SLC7A14: variants seen among roughly 807,000 people sequenced by gnomAD.
SLC7A14 encodes solute carrier family 7 member 14, also known as gamma-aminobutyric acid transporter SLC7A14.
Under a neutral mutation model 60.2 loss-of-function variants are expected in SLC7A14, and 37 were observed. The observed-to-expected ratio is 0.61, with a 90% CI of 0.47 to 0.81. The LOEUF (loss-of-function observed/expected upper bound fraction) is 0.81, where lower values mean the gene tolerates loss of function less well. Ranked by LOEUF, SLC7A14 falls within the 30% of genes least tolerant of loss-of-function variation. SLC7A14 has a pLI of 0.00. For synonymous variants in SLC7A14, 399 were observed against 395.8 expected (o/e 1.01, Z -0.10); for missense variants, 886 against 982.7 (o/e 0.90, Z 1.32).
chr3:170,563,688 T>G (rs1332652040), intron 1 of SLC7A14, among the ~76,000 whole-genome samples: 15 of 152,212 alleles, frequency 9.9e-5, no homozygotes, highest in Non-Finnish European at 1.5e-4. Flanking sequence ...CCCAAACTGC[T>G]GGGATTACAG....
At chr3:170,550,519 T>TTTTTTTTTTTTG (rs1714314884) in intron 1 of SLC7A14, among the ~76,000 whole-genome samples, 1 of 113,064 alleles carries the variant, frequency 8.8e-6, no homozygotes, top group African/African-American at 3.9e-5. Context: ...TGAATTTTTT[T>TTTTTTTTTTTTG]TTTTTTTTTT....
rs557656598 is a variant in SLC7A14, at chr3:170,501,128, C to T, written c.522G>A (p.Val174=). 6.2e-7 allele frequency: 1 copy of T among 1,614,202 alleles called. No homozygotes were observed. The highest frequency in any genetic ancestry group is 1.1e-5 in the South Asian group (1 of 91,078). The change falls in exon 3 of 8, where the codon GTG becomes GTA. Residue 174 remains valine (V), a synonymous_variant. Transcript: ENST00000231706. ...HTISRWMADS[V]GTLNGLGKGE... is the part of the protein sequence containing the mutation. ...TCTCACCCAGGCCATTGAGGGTTCC[C>T]ACGCTGTCCGCCATCCAGCGGCTGA...
At chr3:170,556,340 G>A (rs954363417) in intron 1 of SLC7A14, among the ~76,000 whole-genome samples, 18 of 152,180 alleles carry the variant, frequency 1.2e-4, no homozygotes, top group Admixed American at 7.2e-4. Flanking sequence ...CTGTCCAGAG[G>A]CAATATGGCA....
chr3:170,480,393 G>A lies in SLC7A14; in HGVS notation c.1889C>T (p.Pro630Leu). The A allele has an allele frequency of 1.9e-6, 3 of 1,612,098 alleles. No individual in the cohort carries two copies. Among genetic ancestry groups the A allele is most frequent in the Non-Finnish European group, 8.5e-7 (1 of 1,178,684 alleles). The change falls in exon 7 of 8, where the codon CCT becomes CTT. Residue 630 changes from proline (P) to leucine (L), a missense_variant. Physicochemically the swap from Pro to Leu is moderately conservative, Grantham distance 98. Coordinates refer to ENST00000231706, the MANE Select transcript of SLC7A14 (RefSeq NM_020949.3). ...AAAGGCAGGCACAAAGGGGAGGCAAGGGGCCATGTAGGGCAGCTTCTTGGG... is the reference window on the plus strand; with the variant it reads ...AAAGGCAGGCACAAAGGGGAGGCAAAGGGCCATGTAGGGCAGCTTCTTGGG... ...ENPKKLPYMA[P>L]CLPFVPAFAM... is the part of the protein sequence containing the mutation.
chr3:170,515,000 A>G (rs1713104305), intron 2 of SLC7A14, among the ~76,000 whole-genome samples: 1 of 152,100 alleles, frequency 6.6e-6, no homozygotes, highest in Non-Finnish European at 1.5e-5. Context: ...CCTTTTCCAT[A>G]TCACATAACC....
intron 1 of SLC7A14, among the ~76,000 whole-genome samples, chr3:170,549,667 C>G (rs1714285791): frequency 6.6e-6 from 1 of 152,174 alleles, no homozygotes; most frequent in African/African-American, 2.4e-5. Context: ...CTACCCGATG[C>G]CCTGGGGAGA....
chr3:170,529,627 A>G (rs1043187965), intron 1 of SLC7A14, among the ~76,000 whole-genome samples: 7 of 152,144 alleles, frequency 4.6e-5, no homozygotes, highest in Non-Finnish European at 7.4e-5. Flanking sequence ...AGTTTCAGAG[A>G]GGGATACAGA....
intron 1 of SLC7A14, among the ~76,000 whole-genome samples, chr3:170,562,567 A>G (rs1560281353): frequency 6.6e-6 from 1 of 152,104 alleles, no homozygotes; most frequent in Non-Finnish European, 1.5e-5. Context: ...TGGGTGCACG[A>G]AAATCTCACA....
intron 4 of SLC7A14, among the ~76,000 whole-genome samples, chr3:170,488,985 G>T (rs1199968916): frequency 6.6e-6 from 1 of 150,670 alleles, no homozygotes; most frequent in Non-Finnish European, 1.5e-5. Context: ...ATCATAGGCT[G>T]TAAGACTACC....
At chr3:170,498,521 A>G (rs1359025112) in intron 4 of SLC7A14, 146 bp downstream of exon 4, 1 of 697,818 alleles carries the variant, frequency 1.4e-6, no homozygotes, top group East Asian at 2.7e-5. Flanking sequence ...GGATATTCCA[A>G]CTAAATTAAG....
Position 170,465,336 on chromosome 3 carries a change from A to G in SLC7A14, c.*1719T>C, listed in dbSNP as rs1434632618. 2 of 152,258 alleles carry G rather than the reference A, an allele frequency of 1.3e-5. No individual in the cohort carries two copies. Among genetic ancestry groups the G allele is most frequent in the Non-Finnish European group, 2.9e-5 (2 of 68,042 alleles). 9.4% of individuals were successfully genotyped at this position (152,258 alleles called of 1,614,324 possible). On this transcript the variant is annotated 3_prime_UTR_variant, in exon 8 of 8. Coordinates refer to ENST00000231706, the MANE Select transcript of SLC7A14 (RefSeq NM_020949.3). Reference sequence around the variant, plus strand: ...TTGTCAAGTTTGTTGTTTTATCTGCATTTACCAGGCTCCAGTGCTGCTCAT... The same window carrying G: ...TTGTCAAGTTTGTTGTTTTATCTGCGTTTACCAGGCTCCAGTGCTGCTCAT...
At chr3:170,508,975 G>A (rs1712875562) in intron 2 of SLC7A14, among the ~76,000 whole-genome samples, 1 of 152,168 alleles carries the variant, frequency 6.6e-6, no homozygotes, top group African/African-American at 2.4e-5. Context: ...CATCTATCCA[G>A]GCCCTGTCAT....
At chr3:170,505,284 G>A (rs1712742510) in intron 2 of SLC7A14, among the ~76,000 whole-genome samples, 1 of 152,178 alleles carries the variant, frequency 6.6e-6, no homozygotes, top group Admixed American at 6.5e-5. Context: ...TCCTATATGA[G>A]TCTGCATTTG....
At chr3:170,472,610 C>CA (rs1473710348) in intron 7 of SLC7A14, among the ~76,000 whole-genome samples, 2 of 151,302 alleles carry the variant, frequency 1.3e-5, no homozygotes, top group Admixed American at 1.3e-4. Context: ...CTAAAAAATA[C>CA]AAAAAAATTA....
At chr3:170,511,311 C>T (rs529488874) in intron 2 of SLC7A14, among the ~76,000 whole-genome samples, 384 of 152,010 alleles carry the variant, frequency 2.5e-3, no homozygotes, top group African/African-American at 9.0e-3. Flanking sequence ...GCAGTAGAAT[C>T]GCTTGAACCT....
chr3:170,546,681 G>T (rs1466017610), intron 1 of SLC7A14, among the ~76,000 whole-genome samples: 1 of 152,150 alleles, frequency 6.6e-6, no homozygotes, highest in Non-Finnish European at 1.5e-5. Flanking sequence ...AACCCATGCT[G>T]GTCCCCTGTG....
In SLC7A14 at chr3:170,480,891, C is replaced by A. The variant is rs79668755; in HGVS notation, c.1391G>T (p.Cys464Phe). Reference protein sequence around the residue: ...GILADCEKEACSPVSEGDEFS... With the variant: ...GILADCEKEAFSPVSEGDEFS... The stretch of plus-strand genomic sequence containing the variant: ...CTCATCCCCCTCACTCACAGGAGAA[C>A]AAGCTTCCTTCTCACAGTCAGCCAG... The change falls in exon 7 of 8, where the codon TGT becomes TTT. Residue 464 changes from cysteine (C) to phenylalanine (F), a missense_variant. Coordinates refer to ENST00000231706, the MANE Select transcript of SLC7A14 (RefSeq NM_020949.3). 4.2e-4 allele frequency: 682 copies of A among 1,614,074 alleles called. 7 individuals carry two copies. In the East Asian group the frequency reaches 0.011, roughly 27 times the overall value.
At chr3:170,562,643 A>G (rs1489197785) in intron 1 of SLC7A14, among the ~76,000 whole-genome samples, 1 of 152,196 alleles carries the variant, frequency 6.6e-6, no homozygotes, top group Admixed American at 6.5e-5. Context: ...ATGGAAATTA[A>G]AAATTAAAAA....
At chr3:170,553,309 C>G (rs182849304) in intron 1 of SLC7A14, among the ~76,000 whole-genome samples, 1 of 152,188 alleles carries the variant, frequency 6.6e-6, no homozygotes, top group East Asian at 1.9e-4. Context: ...AGGAAACTAA[C>G]TGTTCTAGTT....
Sources: gnomAD v4.1 joint callset for allele counts (sites outside exome capture counted in the v4.1 genomes callset) on GRCh38, gnomAD v4.1.1 for gene constraint, MANE v1.5 for transcripts, NCBI Gene and HGNC (gene_info 2026-07-23, HGNC 2026-07-21) for gene names.